Variants in GPC5 observed in about 807,000 individuals in gnomAD.
GPC5 encodes glypican 5, also known as glypican-5.
A neutral mutation model predicts 53.9 loss-of-function variants in GPC5; 47 were observed. The ratio of observed to expected loss-of-function variants is 0.87; its 90% CI spans 0.69 to 1.11. The LOEUF is 1.11. Among genes scored for constraint, GPC5 ranks in the 50% most tolerant of loss-of-function variants. The pLI, the probability that GPC5 is intolerant of heterozygous loss-of-function variation, is 0.00. For synonymous variants in GPC5, 286 were observed against 263.3 expected (o/e 1.09, Z -0.84); for missense variants, 748 against 713.1 (o/e 1.05, Z -0.56).
rs146589701 is a variant in GPC5 at position 91,570,939 on chromosome 13, A to G, written c.325+122017A>G. On this transcript the variant is annotated intron_variant, in intron 2 of 7. Transcript: ENST00000377067. ...ACTCTTTAATTAGTTTCTTTTATGCATAAAGTCAATAATCTATTAAAAATC... is the reference window on the plus strand; with the variant it reads ...ACTCTTTAATTAGTTTCTTTTATGCGTAAAGTCAATAATCTATTAAAAATC... Among the ~76,000 whole-genome samples the G allele has an allele frequency of 2.2e-4, 34 of 152,314 alleles. 1 individual carries two copies. The East Asian group carries it at 6.6e-3, about 29-fold the overall frequency.
At chr13:91,520,907 A>G (rs1376280216) in intron 2 of GPC5, among the ~76,000 whole-genome samples, 1 of 152,154 alleles carries the variant, frequency 6.6e-6, no homozygotes, top group Non-Finnish European at 1.5e-5. Flanking sequence ...CTTTCAAAGA[A>G]TAACTAAACA....
intron 7 of GPC5, among the ~76,000 whole-genome samples, chr13:92,307,882 C>A (rs2043121245): frequency 6.6e-6 from 1 of 152,214 alleles, no homozygotes; most frequent in Non-Finnish European, 1.5e-5. Context: ...ACTATCTAGG[C>A]ATAAATACTT....
chr13:91,508,042 AAT>A (rs1439396749), intron 2 of GPC5, among the ~76,000 whole-genome samples: 2 of 152,192 alleles, frequency 1.3e-5, no homozygotes, highest in Non-Finnish European at 2.9e-5. Flanking sequence ...ATGTAGCAAA[AAT>A]ATATGATAAA....
intron 7 of GPC5, among the ~76,000 whole-genome samples, chr13:92,172,303 A>G (rs1321621966): frequency 6.6e-6 from 1 of 152,180 alleles, no homozygotes; most frequent in African/African-American, 2.4e-5. Context: ...CATGAAAAAG[A>G]TGATCCTAAA....
intron 7 of GPC5, among the ~76,000 whole-genome samples, chr13:92,845,738 G>A (rs1878591970): frequency 6.6e-6 from 1 of 152,114 alleles, no homozygotes; most frequent in African/African-American, 2.4e-5. Context: ...TACAGTAGAG[G>A]AGGATTTACA....
intron 7 of GPC5, among the ~76,000 whole-genome samples, chr13:92,148,037 C>A (rs546719819): frequency 3.0e-4 from 46 of 151,936 alleles, no homozygotes; most frequent in Non-Finnish European, 5.9e-4. Context: ...TGAAATGCAC[C>A]ACTATTTCTT....
At chr13:92,751,456 G>T (rs971981407) in intron 7 of GPC5, among the ~76,000 whole-genome samples, 2 of 151,798 alleles carry the variant, frequency 1.3e-5, no homozygotes, top group African/African-American at 4.8e-5. Context: ...ACAAATGCAG[G>T]AAGAATTCTC....
At chr13:92,373,971 C>T (rs1012667104) in intron 7 of GPC5, among the ~76,000 whole-genome samples, 5 of 152,124 alleles carry the variant, frequency 3.3e-5, no homozygotes, top group Non-Finnish European at 7.4e-5. Flanking sequence ...TTCACATTTT[C>T]TTGGAATTAT....
chr13:92,388,118 T>G (rs1227492864), intron 7 of GPC5, among the ~76,000 whole-genome samples: 4 of 152,080 alleles, frequency 2.6e-5, no homozygotes, highest in Non-Finnish European at 5.9e-5. Context: ...AATTATAGCT[T>G]TAGTATTGTT....
At chr13:91,578,062 G>T (rs951219861) in intron 2 of GPC5, among the ~76,000 whole-genome samples, 1 of 152,166 alleles carries the variant, frequency 6.6e-6, no homozygotes, top group African/African-American at 2.4e-5. Context: ...AAAGCCAGCT[G>T]CCATGTTGTA....
chr13:91,676,869 G>A (rs1220556126), intron 2 of GPC5, among the ~76,000 whole-genome samples: 1 of 152,186 alleles, frequency 6.6e-6, no homozygotes, highest in Non-Finnish European at 1.5e-5. Flanking sequence ...TTAACCTTAC[G>A]AGGATTAGGT....
At chr13:91,487,404 C>T (rs563927394) in intron 2 of GPC5, among the ~76,000 whole-genome samples, 6 of 152,202 alleles carry the variant, frequency 3.9e-5, no homozygotes, top group African/African-American at 1.4e-4. Context: ...CCTGTGGAAA[C>T]ATCTGTCCAG....
intron 7 of GPC5, among the ~76,000 whole-genome samples, chr13:92,189,671 T>C (rs1022312910): frequency 1.3e-5 from 2 of 151,686 alleles, no homozygotes; most frequent in South Asian, 2.1e-4. Flanking sequence ...TTTGGAATTA[T>C]TGGGCCAGGC....
intron 2 of GPC5, among the ~76,000 whole-genome samples, chr13:91,684,024 C>A (rs1175278076): frequency 6.6e-6 from 1 of 152,198 alleles, no homozygotes; most frequent in Admixed American, 6.5e-5. Flanking sequence ...AATTGTTATT[C>A]CTCATCTCAG....
intron 2 of GPC5, among the ~76,000 whole-genome samples, chr13:91,661,204 C>T (rs1350771994): frequency 6.6e-6 from 1 of 152,068 alleles, no homozygotes; most frequent in Non-Finnish European, 1.5e-5. Flanking sequence ...GGTGAAGGGA[C>T]ATCACCCTCT....
At chr13:92,349,485 A>T (rs1258916483) in intron 7 of GPC5, among the ~76,000 whole-genome samples, 1 of 151,306 alleles carries the variant, frequency 6.6e-6, no homozygotes, top group Non-Finnish European at 1.5e-5. Flanking sequence ...TTATTTTTAA[A>T]CACAAACAAA....
chr13:92,103,918 C>A (rs2041486487), intron 6 of GPC5, among the ~76,000 whole-genome samples: 1 of 152,126 alleles, frequency 6.6e-6, no homozygotes, highest in Non-Finnish European at 1.5e-5. Flanking sequence ...TTCAAAGCCC[C>A]ACATGGACAT....
Position 92,558,981 on chromosome 13 carries a change from A to G in GPC5, c.1562-307301A>G, listed in dbSNP as rs547948998. ...CATGAGCAACAGGGAGCAAGCATCA[A>G]AAAACACTCTTGTAGTAACAGTATT... On this transcript the variant is annotated intron_variant, in intron 7 of 7. Coordinates refer to ENST00000377067, the MANE Select transcript of GPC5 (RefSeq NM_004466.6). Among the ~76,000 whole-genome samples the G allele has an allele frequency of 2.6e-5, 4 of 152,034 alleles. No homozygotes were observed. The South Asian group carries it at 8.3e-4, about 32-fold the overall frequency.
chr13:92,551,416 A>C (rs777735307), intron 7 of GPC5, among the ~76,000 whole-genome samples: 1 of 150,438 alleles, frequency 6.6e-6, no homozygotes, highest in Non-Finnish European at 1.5e-5. Flanking sequence ...GAAAAAAAAA[A>C]TCTTGAATAA....
Sources: gnomAD v4.1 joint callset for allele counts (sites outside exome capture counted in the v4.1 genomes callset) on GRCh38, gnomAD v4.1.1 for gene constraint, MANE v1.5 for transcripts, NCBI Gene and HGNC (gene_info 2026-07-23, HGNC 2026-07-21) for gene names.